Variants in NCKAP5 observed in about 807,000 individuals in gnomAD.
NCKAP5 encodes NCK associated protein 5.
A neutral mutation model predicts 167.0 loss-of-function variants in NCKAP5; 92 were observed. The ratio of observed to expected loss-of-function variants is 0.55; its 90% confidence interval spans 0.47 to 0.66. The LOEUF is 0.66. Among genes scored for constraint, NCKAP5 ranks in the 30% least tolerant of loss-of-function variants. The pLI, the probability that NCKAP5 is intolerant of heterozygous loss-of-function variation, is 0.00. For missense variants in NCKAP5, 2,378 were observed against 2,315.0 expected (o/e 1.03, Z -0.56); for synonymous variants, 891 against 877.4 (o/e 1.02, Z -0.27).
intron 19 of NCKAP5, among the ~76,000 whole-genome samples, chr2:132,685,565 T>A (rs958027304): frequency 6.6e-6 from 1 of 152,174 alleles, no homozygotes; most frequent in Non-Finnish European, 1.5e-5. Context: ...AAGCACTGGG[T>A]AATGCCGTCT....
intron 6 of NCKAP5, among the ~76,000 whole-genome samples, chr2:133,059,738 C>T (rs988279201): frequency 1.3e-5 from 2 of 151,526 alleles, no homozygotes; most frequent in African/African-American, 2.4e-5. Flanking sequence ...AGACATAATG[C>T]TATTGCACAT....
At chr2:133,193,512 T>G (rs567537047) in intron 5 of NCKAP5, among the ~76,000 whole-genome samples, 248 of 152,236 alleles carry the variant, frequency 1.6e-3, no homozygotes, top group Non-Finnish European at 3.0e-3. Flanking sequence ...ATTATTAACT[T>G]TTGCAAGAAG....
At chr2:133,167,951 A>G (rs2084068426) in intron 5 of NCKAP5, among the ~76,000 whole-genome samples, 1 of 152,200 alleles carries the variant, frequency 6.6e-6, no homozygotes, top group South Asian at 2.1e-4. Context: ...TAACATTATC[A>G]TCATAACAGT....
In NCKAP5 at chr2:132,789,902, A is replaced by G; in HGVS notation, c.1092+121T>C. On this transcript the variant is annotated intron_variant, in intron 13 of 19. Transcript: ENST00000409261. Reference sequence around the variant, plus strand: ...TGAAAGGATGTCAGTATAATACATGAGCAGGTGCTCAGCAAATGGTGGCTT... The same window carrying G: ...TGAAAGGATGTCAGTATAATACATGGGCAGGTGCTCAGCAAATGGTGGCTT... 4 of 829,624 alleles carry G rather than the reference A, an allele frequency of 4.8e-6. No homozygotes were observed. The East Asian group carries it at 1.1e-4, about 22-fold the overall frequency. The allele number at this position is 829,624 out of a possible 1,614,324, so 51.4% of individuals were successfully genotyped here. A position where few individuals can be genotyped will look rare whatever the true frequency, so the allele number is the denominator to read the frequency against.
At chr2:133,279,951 T>C (rs751963391) in intron 4 of NCKAP5, among the ~76,000 whole-genome samples, 3 of 152,134 alleles carry the variant, frequency 2.0e-5, no homozygotes, top group African/African-American at 4.8e-5. Context: ...GTATGATCCT[T>C]AAGCCAAAAA....
chr2:133,666,701 TTATAA>T, the NCKAP5 span, among the ~76,000 whole-genome samples: 4,461 of 151,994 alleles, frequency 0.029, 266 homozygotes, highest in African/African-American at 0.1. Context: ...ATATTCTAAA[TTATAA>T]TAGAATAGAT....
intron 3 of NCKAP5, among the ~76,000 whole-genome samples, chr2:133,397,831 T>C (rs1459143919): frequency 6.6e-6 from 1 of 152,244 alleles, no homozygotes; most frequent in African/African-American, 2.4e-5. Context: ...GCCTTGGCCT[T>C]GCAGCTGATA....
At chr2:132,923,492 T>C (rs1435740904) in intron 8 of NCKAP5, among the ~76,000 whole-genome samples, 1 of 152,204 alleles carries the variant, frequency 6.6e-6, no homozygotes, top group Non-Finnish European at 1.5e-5. Flanking sequence ...GTCTTATTTA[T>C]AACCAATTTC....
intron 7 of NCKAP5, among the ~76,000 whole-genome samples, chr2:132,971,282 G>A (rs2076827384): frequency 6.6e-6 from 1 of 152,168 alleles, no homozygotes; most frequent in Non-Finnish European, 1.5e-5. Flanking sequence ...AATGAGGTGA[G>A]ATCCGAGGGC....
intron 3 of NCKAP5, chr2:133,431,583 T>C (rs753044215): frequency 2.0e-5 from 3 of 152,184 alleles, no homozygotes; most frequent in Non-Finnish European, 4.4e-5. Context: ...CATGAATATG[T>C]AGCTTTACGA....
chr2:133,606,778 G>A, the NCKAP5 span, among the ~76,000 whole-genome samples: 2 of 151,284 alleles, frequency 1.3e-5, no homozygotes, highest in East Asian at 1.9e-4. Context: ...TAGCCTGAGA[G>A]CTTTTCTACA....
intron 19 of NCKAP5, among the ~76,000 whole-genome samples, chr2:132,722,406 T>A (rs572860034): frequency 6.6e-6 from 1 of 152,220 alleles, no homozygotes; most frequent in East Asian, 1.9e-4. Context: ...AGTCTCCTCC[T>A]TGACATACCT....
chr2:132,899,673 G>C (rs944615376), intron 8 of NCKAP5, among the ~76,000 whole-genome samples: 1 of 152,290 alleles, frequency 6.6e-6, no homozygotes, highest in African/African-American at 2.4e-5. Flanking sequence ...TCATGAATTC[G>C]AGACCAGCCT....
At chr2:133,222,097 T>C (rs2086684998) in intron 4 of NCKAP5, among the ~76,000 whole-genome samples, 1 of 152,228 alleles carries the variant, frequency 6.6e-6, no homozygotes, top group Non-Finnish European at 1.5e-5. Context: ...AGGTAGGTAT[T>C]ATTATCATCT....
At chr2:133,170,111 T>C (rs1254569610) in intron 5 of NCKAP5, among the ~76,000 whole-genome samples, 2 of 152,260 alleles carry the variant, frequency 1.3e-5, no homozygotes, top group Admixed American at 1.3e-4. Flanking sequence ...ACAAAAGCAA[T>C]ACTCTTTAAA....
chr2:132,843,811 T>G (rs1688474430), intron 11 of NCKAP5, among the ~76,000 whole-genome samples: 1 of 152,126 alleles, frequency 6.6e-6, no homozygotes, highest in Non-Finnish European at 1.5e-5. Context: ...TTGCTATTCT[T>G]TCCCTTGTTA....
At chr2:133,361,593 A>T (rs1685106981) in intron 3 of NCKAP5, among the ~76,000 whole-genome samples, 1 of 152,220 alleles carries the variant, frequency 6.6e-6, no homozygotes, top group South Asian at 2.1e-4. Context: ...AGTGAAGAAA[A>T]CGGACGTGAG....
chr2:133,362,197 C>G (rs762921381), intron 3 of NCKAP5, among the ~76,000 whole-genome samples: 12 of 152,300 alleles, frequency 7.9e-5, no homozygotes, highest in Non-Finnish European at 7.3e-5. Context: ...AACCATTCAA[C>G]TTCTATATTG....
intron 6 of NCKAP5, among the ~76,000 whole-genome samples, chr2:133,047,615 T>C (rs552890997): frequency 4.0e-4 from 61 of 152,356 alleles, no homozygotes; most frequent in African/African-American, 1.4e-3. Flanking sequence ...ATTGCCTGGA[T>C]GATAATGATG....
Sources: allele counts gnomAD v4.1 joint callset (sites outside exome capture counted in the v4.1 genomes callset), GRCh38; gene constraint gnomAD v4.1.1; transcripts MANE v1.5; gene names NCBI Gene and HGNC (gene_info 2026-07-23, HGNC 2026-07-21).